Variants in RAB31 observed in about 807,000 individuals in gnomAD.
RAB31 encodes the protein ras-related protein Rab-31.
Under a neutral mutation model 25.6 loss-of-function variants are expected in RAB31, and 21 were observed. The observed-to-expected ratio is 0.82, with a 90% CI of 0.58 to 1.18. RAB31 has a LOEUF of 1.18. Ranked by LOEUF, RAB31 falls within the 50% of genes most tolerant of loss-of-function variation. The pLI, the probability that RAB31 is intolerant of heterozygous loss-of-function variation, is 0.00. For missense variants in RAB31, 196 were observed against 250.1 expected, an observed-to-expected ratio of 0.78 and a Z score of 1.46; for synonymous variants, 87 against 84.0, an observed-to-expected ratio of 1.04 and a Z score of -0.20.
At chr18:9,731,584 T>C (rs2145465368) in intron 1 of RAB31, among the ~76,000 whole-genome samples, 1 of 145,358 alleles carries the variant, frequency 6.9e-6, no homozygotes, top group African/African-American at 2.6e-5. Flanking sequence ...TGAGAACCTT[T>C]CTGGGAATTT....
At chr18:9,856,243 G>A (rs2068815094) in intron 6 of RAB31, 1 of 152,206 alleles carries the variant, frequency 6.6e-6, no homozygotes, top group African/African-American at 2.4e-5. Flanking sequence ...GTCTTCTTGA[G>A]ACAGAGCCAG....
At chr18:9,805,283 T>TTAA (rs111236812) in intron 3 of RAB31, among the ~76,000 whole-genome samples, 205 of 146,874 alleles carry the variant, frequency 1.4e-3, no homozygotes, top group African/African-American at 4.9e-3. Flanking sequence ...ATAAAAAGAT[T>TTAA]AAAAAAAAAA....
Position 9,728,229 on chromosome 18 carries a change from C to G in RAB31, c.39+19785C>G, listed in dbSNP as rs144045769. The stretch of plus-strand genomic sequence containing the variant: ...TATTTTAAAAGTCACATAGTGTTCT[C>G]TCACAACAGTATATCATGATTTACT... On this transcript the variant is annotated intron_variant, in intron 1 of 6. Transcript: ENST00000578921. Among the ~76,000 whole-genome samples, 816 of 152,314 alleles carry G rather than the reference C, an allele frequency of 5.4e-3. 8 individuals are homozygous for G. Among genetic ancestry groups the G allele is most frequent in the African/African-American group, 0.018 (759 of 41,566 alleles).
intron 5 of RAB31, among the ~76,000 whole-genome samples, chr18:9,840,132 G>A (rs1251197322): frequency 6.6e-6 from 1 of 152,202 alleles, no homozygotes; most frequent in Non-Finnish European, 1.5e-5. Flanking sequence ...TCAGCTCCGG[G>A]AATGTCTGTG....
chr18:9,839,814 C>T (rs1016542764), intron 5 of RAB31, among the ~76,000 whole-genome samples: 2 of 152,154 alleles, frequency 1.3e-5, no homozygotes, highest in African/African-American at 2.4e-5. Flanking sequence ...CAGTGTCCAC[C>T]GTGGGAGGCA....
Position 9,792,255 on chromosome 18 carries a change from T to A in RAB31, c.201+20T>A, listed in dbSNP as rs768804239. The A allele has an allele frequency of 2.5e-6, 4 of 1,602,586 alleles. No homozygotes were observed. In the East Asian group the frequency reaches 9.0e-5, roughly 36 times the overall value. On this transcript the variant is annotated intron_variant, in intron 3 of 6. Transcript: ENST00000578921. The stretch of plus-strand genomic sequence containing the variant: ...GAACGGGTGAGTATATGCTGTTTTT[T>A]GGTGAAAACAAGATCCAGTGAAAAT...
rs139803025 is a variant in RAB31, at chr18:9,854,210, T to C, written c.491-5018T>C. 9.8e-3 allele frequency among the ~76,000 whole-genome samples: 1,485 copies of C among 152,160 alleles called. 11 individuals carry two copies. The highest frequency in any genetic ancestry group is 0.015 in the Non-Finnish European group (1,039 of 68,000). The stretch of plus-strand genomic sequence containing the variant: ...GTTCTCATTGTTCAACTCCCACTTA[T>C]GAGTGAGAACACGTGGTGTTTGGTT... On this transcript the variant is annotated intron_variant, in intron 6 of 6. Transcript: ENST00000578921.
chr18:9,745,852 CAA>C (rs747376093), intron 1 of RAB31, among the ~76,000 whole-genome samples: 2 of 152,288 alleles, frequency 1.3e-5, no homozygotes. Flanking sequence ...AGCGTTTCCT[CAA>C]AGATCAGGAA....
intron 2 of RAB31, among the ~76,000 whole-genome samples, chr18:9,786,158 G>T (rs1295725672): frequency 7.6e-6 from 1 of 132,036 alleles, no homozygotes; most frequent in Non-Finnish European, 1.6e-5. Context: ...AAGAAAGAAG[G>T]AAAGAAAAGA....
At chr18:9,800,073 C>T (rs80153207) in intron 3 of RAB31, among the ~76,000 whole-genome samples, 2 of 152,186 alleles carry the variant, frequency 1.3e-5, no homozygotes, top group East Asian at 3.9e-4. Flanking sequence ...ATGCCTAGAG[C>T]GGTCCATAGC....
chr18:9,856,697 G>T (rs1052790220), intron 6 of RAB31, among the ~76,000 whole-genome samples: 90 of 152,188 alleles, frequency 5.9e-4, no homozygotes, highest in African/African-American at 2.0e-3. Flanking sequence ...GGCAACAGCT[G>T]TACCCATGAG....
chr18:9,768,921 A>G (rs1272247017), intron 1 of RAB31, among the ~76,000 whole-genome samples: 1 of 152,206 alleles, frequency 6.6e-6, no homozygotes, highest in East Asian at 1.9e-4. Flanking sequence ...ATGGCTAGCC[A>G]GTTTTCCCAA....
chr18:9,813,519 A>T (rs1319249437), intron 3 of RAB31, among the ~76,000 whole-genome samples: 1 of 152,184 alleles, frequency 6.6e-6, no homozygotes, highest in Non-Finnish European at 1.5e-5. Flanking sequence ...AACCACAAGC[A>T]TACATATGTG....
rs540946128 is a variant in RAB31 at position 9,764,465 on chromosome 18, T to TA, written c.40-10812dup. 2.3e-3 allele frequency among the ~76,000 whole-genome samples: 353 copies of TA among 152,326 alleles called. 7 individuals carry two copies. Among genetic ancestry groups the TA allele is most frequent in the East Asian group, 2.3e-3 (12 of 5,192 alleles). ...GAGTCTTGACTCTGCCCTTACTAGT[T>TA]ACAGGCCCACTGGGAGAATCCATGT... On this transcript the variant is annotated intron_variant, in intron 1 of 6. Coordinates refer to ENST00000578921, the MANE Select transcript of RAB31 (RefSeq NM_006868.4).
chr18:9,713,754 C>T (rs1248866215), intron 1 of RAB31, among the ~76,000 whole-genome samples: 1 of 152,180 alleles, frequency 6.6e-6, no homozygotes, highest in African/African-American at 2.4e-5. Context: ...ACATTTAATT[C>T]TCACAGTTCT....
At position 9,862,161 on chromosome 18, in the gene RAB31, C is replaced by T. The variant is rs537288962; in HGVS notation, c.*2836C>T. Reference sequence around the variant, plus strand: ...TTGGCATGTGGTGGCTGAAACTGAGCTTTTTTGTGTGGGCTCCAGTTCTCA... The same window carrying T: ...TTGGCATGTGGTGGCTGAAACTGAGTTTTTTTGTGTGGGCTCCAGTTCTCA... On this transcript the variant is annotated 3_prime_UTR_variant, in exon 7 of 7. Transcript: ENST00000578921. 1 of 152,490 alleles carries T rather than the reference C, an allele frequency of 6.6e-6. No individual in the cohort carries two copies. The highest frequency in any genetic ancestry group is 2.4e-5 in the African/African-American group (1 of 41,564). 9.4% of individuals were successfully genotyped at this position (152,490 alleles called of 1,614,324 possible).
chr18:9,798,152 AT>A (rs2068495721), intron 3 of RAB31, among the ~76,000 whole-genome samples: 2 of 152,194 alleles, frequency 1.3e-5, no homozygotes, highest in Non-Finnish European at 2.9e-5. Flanking sequence ...AGGAAGACGG[AT>A]TTAGTTTGGG....
intron 3 of RAB31, among the ~76,000 whole-genome samples, chr18:9,801,039 C>T (rs1371990733): frequency 6.6e-6 from 1 of 152,204 alleles, no homozygotes; most frequent in Non-Finnish European, 1.5e-5. Flanking sequence ...GGACATTTCA[C>T]ACAAATGGAA....
At chr18:9,742,845 A>C (rs894488917) in intron 1 of RAB31, among the ~76,000 whole-genome samples, 2 of 152,218 alleles carry the variant, frequency 1.3e-5, no homozygotes, top group African/African-American at 4.8e-5. Context: ...AGCAAGTGGC[A>C]GAGGGGTGGA....
Sources: allele counts gnomAD v4.1 joint callset (sites outside exome capture counted in the v4.1 genomes callset), GRCh38; gene constraint gnomAD v4.1.1; transcripts MANE v1.5; gene names NCBI Gene and HGNC (gene_info 2026-07-23, HGNC 2026-07-21).